The following SDCBP2 variants were observed in gnomAD, a reference collection of about 807,000 sequenced individuals.
SDCBP2 encodes the protein syntenin-2.
In SDCBP2, 28 loss-of-function variants were observed where a neutral mutation model predicts 30.7. The observed-to-expected ratio is 0.91, with a 90% CI of 0.68 to 1.25. The LOEUF (loss-of-function observed/expected upper bound fraction) is 1.25, where lower values mean the gene tolerates loss of function less well. SDCBP2 is among the 50% of genes most tolerant of loss of function. The pLI is 0.00. For missense variants in SDCBP2, 399 were observed against 379.0 expected (o/e 1.05, Z -0.44); for synonymous variants, 166 against 157.3 (o/e 1.06, Z -0.41).
At chr20:1,325,117 T>A (rs1402714517) in intron 1 of SDCBP2, among the ~76,000 whole-genome samples, 1 of 151,996 alleles carries the variant, frequency 6.6e-6, no homozygotes, top group African/African-American at 2.4e-5. Context: ...AGCCACAAAC[T>A]CCATCCACCG....
intron 1 of SDCBP2, among the ~76,000 whole-genome samples, chr20:1,328,257 A>C (rs907919893): frequency 6.6e-6 from 1 of 152,058 alleles, no homozygotes; most frequent in African/African-American, 2.4e-5. Context: ...GGACTTTGGC[A>C]TTTACTGTAG....
rs1179926200 is a variant in SDCBP2 at position 1,320,114 on chromosome 20, G to T, written c.54+249C>A. Among the ~76,000 whole-genome samples the T allele has an allele frequency of 1.3e-5, 2 of 151,956 alleles. No homozygotes were observed. The highest frequency in any genetic ancestry group is 2.9e-5 in the Non-Finnish European group (2 of 67,952). On this transcript the variant is annotated intron_variant, in intron 2 of 8. Coordinates refer to ENST00000360779, the MANE Select transcript of SDCBP2 (RefSeq NM_080489.5). This position sits in a 1 kb window ranked among gnomAD's most constrained non-coding sequence, Gnocchi z 4.7. ...CCCGCCCATCCTGGAGGGAGGGAGA[G>T]CTGGGCCTGGGCAGGACAGAGCAGG...
At chr20:1,327,135 CCT>C (rs1389647905) in intron 1 of SDCBP2, among the ~76,000 whole-genome samples, 3 of 152,124 alleles carry the variant, frequency 2.0e-5, no homozygotes, top group African/African-American at 7.2e-5. Flanking sequence ...CCACCTAACC[CCT>C]CTCTCTCAGA....
chr20:1,321,443 C>A lies in SDCBP2; in HGVS notation c.-19-1008G>T. 6.5e-6 allele frequency: 1 copy of A among 153,308 alleles called. No homozygotes were observed. The allele number at this position is 153,308 out of a possible 1,614,324, so 9.5% of individuals were successfully genotyped here. A position where few individuals can be genotyped will look rare whatever the true frequency, so the allele number is the denominator to read the frequency against. ...TTGACCCCTGTGTCATCCTTGGCCC[C>A]GCCCCCACTATCCCTTCTTGTCTGT... On this transcript the variant is annotated intron_variant, in intron 1 of 8. Transcript: ENST00000360779. The surrounding 1 kb of genome is among the most constrained non-coding windows in gnomAD (Gnocchi z 5.2).
intron 1 of SDCBP2, among the ~76,000 whole-genome samples, chr20:1,328,269 G>A (rs1240132476): frequency 1.3e-5 from 2 of 152,132 alleles, no homozygotes; most frequent in African/African-American, 4.8e-5. Context: ...TTACTGTAGT[G>A]AGATGGGAGC....
intron 3 of SDCBP2, among the ~76,000 whole-genome samples, chr20:1,319,285 G>T (rs142100018): frequency 9.3e-4 from 142 of 152,290 alleles, no homozygotes; most frequent in African/African-American, 3.3e-3. Context: ...AGCCTTGCTG[G>T]GGGCATCAGA....
intron 1 of SDCBP2, among the ~76,000 whole-genome samples, chr20:1,328,263 T>A (rs2088959735): frequency 6.6e-6 from 1 of 152,102 alleles, no homozygotes; most frequent in Non-Finnish European, 1.5e-5. Context: ...TGGCATTTAC[T>A]GTAGTGAGAT....
intron 4 of SDCBP2, among the ~76,000 whole-genome samples, chr20:1,314,429 G>A (rs1387676237): frequency 7.7e-6 from 1 of 129,086 alleles, no homozygotes; most frequent in African/African-American, 3.0e-5. Context: ...GGAGGTTGCA[G>A]TGAGCCAAGA....
intron 1 of SDCBP2, chr20:1,322,498 T>C (rs2088862280): frequency 6.6e-6 from 1 of 152,224 alleles, no homozygotes; most frequent in Non-Finnish European, 1.5e-5. Flanking sequence ...AAAGCTCTAG[T>C]ATCCTAAGAA....
chr20:1,312,166 G>A (rs556080390), intron 7 of SDCBP2, among the ~76,000 whole-genome samples, 171 bp downstream of exon 7: 1 of 152,102 alleles, frequency 6.6e-6, no homozygotes, highest in East Asian at 1.9e-4. Context: ...TCAAAGCACT[G>A]GGATTACAGA....
intron 1 of SDCBP2, chr20:1,325,496 G>T (rs1007070163): frequency 6.6e-6 from 1 of 152,238 alleles, no homozygotes; most frequent in African/African-American, 2.4e-5. Context: ...CCGGGCGCCC[G>T]TAGCTGGCGC....
intron 3 of SDCBP2, among the ~76,000 whole-genome samples, chr20:1,319,001 C>T (rs1410673197): frequency 6.6e-6 from 1 of 152,188 alleles, no homozygotes; most frequent in Admixed American, 6.5e-5. Context: ...GTCATCCAGC[C>T]TATGGTATTT....
At chr20:1,318,527 G>T in intron 3 of SDCBP2, 109 bp from the exon 4 acceptor site, 1 of 659,730 alleles carries the variant, frequency 1.5e-6, no homozygotes. Context: ...TGGAGCCTGG[G>T]AATGGTATTT....
At position 1,320,532 on chromosome 20, in the gene SDCBP2, A is replaced by G; in HGVS notation, c.-19-97T>C. 1.1e-6 allele frequency: 1 copy of G among 912,010 alleles called. No individual in the cohort carries two copies. The highest frequency in any genetic ancestry group is 1.7e-6 in the Non-Finnish European group (1 of 583,232). The allele number at this position is 912,010 out of a possible 1,614,324, so 56.5% of individuals were successfully genotyped here. A position where few individuals can be genotyped will look rare whatever the true frequency, so the allele number is the denominator to read the frequency against. ...GCAACAGCAAGCGGGTTGGAACTTA[A>G]TATTCAAACAGAAAGGCAGCAGGGC... On this transcript the variant is annotated intron_variant, in intron 1 of 8. Transcript: ENST00000360779. This position sits in a 1 kb window ranked among gnomAD's most constrained non-coding sequence, Gnocchi z 4.7.
At chr20:1,327,677 T>C (rs965347529) in intron 1 of SDCBP2, among the ~76,000 whole-genome samples, 1 of 152,260 alleles carries the variant, frequency 6.6e-6, no homozygotes, top group Non-Finnish European at 1.5e-5. Context: ...GAATGTCATT[T>C]CTTCCTTTGT....
In SDCBP2 at chr20:1,316,008, T is replaced by A. The variant is rs558658255; in HGVS notation, c.225+2310A>T. Among the ~76,000 whole-genome samples, 141 of 152,204 alleles carry A rather than the reference T, an allele frequency of 9.3e-4. 1 individual carries two copies. Among genetic ancestry groups the A allele is most frequent in the African/African-American group, 2.9e-3 (122 of 41,532 alleles). ...GTCCCAGCTACTCGGGAGGCTGAGG[T>A]GGGTGGATCACCTGACCCGGGAGGT... On this transcript the variant is annotated intron_variant, in intron 4 of 8. Transcript: ENST00000360779.
chr20:1,317,307 T>TAC (rs1310694366), intron 4 of SDCBP2, among the ~76,000 whole-genome samples: 1 of 152,182 alleles, frequency 6.6e-6, no homozygotes, highest in African/African-American at 2.4e-5. Flanking sequence ...GGGTGAAGGG[T>TAC]ACTAACAACT....
At chr20:1,328,404 ATGG>A (rs1364653883) in intron 1 of SDCBP2, among the ~76,000 whole-genome samples, 2 of 151,988 alleles carry the variant, frequency 1.3e-5, no homozygotes, top group African/African-American at 2.4e-5. Context: ...GTGGGAAGTG[ATGG>A]TGGTGGAATT....
rs557073596 is a variant in SDCBP2, at chr20:1,327,729, G to A, written c.-20+1356C>T. On this transcript the variant is annotated intron_variant, in intron 1 of 8. Transcript: ENST00000360779. ...GTTGCATCACAGTTGTCTGGAGACT[G>A]AAAGATTTTTAAAAAGAGTTAAGGT... Among the ~76,000 whole-genome samples the A allele has an allele frequency of 3.3e-5, 5 of 152,382 alleles. No homozygotes were observed. The East Asian group carries it at 5.8e-4, about 18-fold the overall frequency.
Sources: allele counts gnomAD v4.1 joint callset (sites outside exome capture counted in the v4.1 genomes callset), GRCh38; gene constraint gnomAD v4.1.1; non-coding constraint Gnocchi (gnomAD v3.1); transcripts MANE v1.5; gene names NCBI Gene and HGNC (gene_info 2026-07-23, HGNC 2026-07-21).